Variants in PTPRD observed in about 807,000 individuals in gnomAD.
The protein encoded by PTPRD is receptor-type tyrosine-protein phosphatase delta.
In PTPRD, 34 loss-of-function variants were observed where a neutral mutation model predicts 214.5. That is an observed-to-expected ratio of 0.16 (90% CI 0.12 to 0.21). The LOEUF (loss-of-function observed/expected upper bound fraction) is 0.21. Among genes scored for constraint, PTPRD ranks in the 10% least tolerant of loss-of-function variants. PTPRD has a pLI of 1.00. For synonymous variants in PTPRD, 1,128 were observed against 845.7 expected (o/e 1.33, Z -5.79); for missense variants, 2,545 against 2,398.7 (o/e 1.06, Z -1.27).
intron 3 of PTPRD, among the ~76,000 whole-genome samples, chr9:10,173,416 C>G (rs1379095325): frequency 6.6e-6 from 1 of 152,068 alleles, no homozygotes; most frequent in African/African-American, 2.4e-5. Flanking sequence ...TGACTCACAG[C>G]TAGTAAGATG....
intron 5 of PTPRD, among the ~76,000 whole-genome samples, chr9:9,912,519 T>C (rs1026568493): frequency 6.6e-6 from 1 of 152,196 alleles, no homozygotes; most frequent in Non-Finnish European, 1.5e-5. Flanking sequence ...CAATAGCACA[T>C]GTTTTGCCTC....
intron 14 of PTPRD, among the ~76,000 whole-genome samples, chr9:8,558,382 A>C (rs1328889248): frequency 1.3e-5 from 2 of 151,906 alleles, no homozygotes. Context: ...GCAGTAACAG[A>C]CTCTCCCTCC....
intron 11 of PTPRD, among the ~76,000 whole-genome samples, chr9:8,989,040 G>C (rs560993572): frequency 6.6e-6 from 1 of 152,016 alleles, no homozygotes; most frequent in South Asian, 2.1e-4. Context: ...TAGTTGTTTT[G>C]AGTCACACTC....
At chr9:9,308,122 A>G (rs1957715896) in intron 9 of PTPRD, among the ~76,000 whole-genome samples, 1 of 152,218 alleles carries the variant, frequency 6.6e-6, no homozygotes, top group Non-Finnish European at 1.5e-5. Context: ...ATTTTGAAGT[A>G]AATTTCACTC....
rs145315476 is a variant in PTPRD at position 8,657,833 on chromosome 9, C to T, written c.65-20989G>A. 1.2e-4 allele frequency among the ~76,000 whole-genome samples: 19 copies of T among 152,234 alleles called. 1 individual carries two copies. In the East Asian group the frequency reaches 3.7e-3, roughly 29 times the overall value. ...CACACAGTAGTCTCTCACTAAAAGT[C>T]TATCTAACTAAACTGACTTATTTCC... On this transcript the variant is annotated intron_variant, in intron 12 of 45. Transcript: ENST00000381196.
chr9:9,051,177 T>A (rs73430174), intron 10 of PTPRD, among the ~76,000 whole-genome samples: 14,507 of 152,140 alleles, frequency 0.095, 738 homozygotes, highest in Middle Eastern at 0.14. Context: ...TTATAGATTT[T>A]AAAAAATCAT....
intron 4 of PTPRD, among the ~76,000 whole-genome samples, chr9:9,967,113 T>C (rs569993702): frequency 6.6e-6 from 1 of 152,292 alleles, no homozygotes; most frequent in African/African-American, 2.4e-5. Context: ...TTCAGTCAAG[T>C]TCTGTAGTCA....
At chr9:9,842,403 G>C (rs1230190873) in intron 5 of PTPRD, among the ~76,000 whole-genome samples, 2 of 140,494 alleles carry the variant, frequency 1.4e-5, no homozygotes, top group East Asian at 4.2e-4. Context: ...TCTTTCCTAA[G>C]TGAAAAGTGG....
At chr9:8,917,637 TGTC>T in intron 11 of PTPRD, among the ~76,000 whole-genome samples, 1 of 152,306 alleles carries the variant, frequency 6.6e-6, no homozygotes, top group East Asian at 1.9e-4. Flanking sequence ...GAACTCTTGT[TGTC>T]CTCTGTATTT....
intron 2 of PTPRD, among the ~76,000 whole-genome samples, chr9:10,589,368 G>A (rs753859082): frequency 2.1e-4 from 32 of 152,008 alleles, no homozygotes; most frequent in Non-Finnish European, 4.3e-4. Context: ...GAAATTATCA[G>A]TGAAGTGTGG....
At chr9:9,803,152 C>T (rs942577430) in intron 5 of PTPRD, among the ~76,000 whole-genome samples, 9 of 150,990 alleles carry the variant, frequency 6.0e-5, no homozygotes, top group Admixed American at 4.0e-4. Flanking sequence ...GAAAAAGATA[C>T]GCTAAATCAC....
At chr9:9,197,896 T>G (rs184604427) in intron 9 of PTPRD, among the ~76,000 whole-genome samples, 1 of 152,200 alleles carries the variant, frequency 6.6e-6, no homozygotes, top group Non-Finnish European at 1.5e-5. Context: ...AGGAAAATAA[T>G]TGGCTCACCA....
chr9:8,927,165 C>T (rs968439249), intron 11 of PTPRD, among the ~76,000 whole-genome samples: 2 of 151,972 alleles, frequency 1.3e-5, no homozygotes, highest in East Asian at 3.9e-4. Flanking sequence ...AGAGTCCTAC[C>T]TCTACACCTT....
At chr9:9,358,741 T>C (rs1350936726) in intron 9 of PTPRD, among the ~76,000 whole-genome samples, 1 of 151,350 alleles carries the variant, frequency 6.6e-6, no homozygotes. Flanking sequence ...GGCCTGCGCC[T>C]GAATCAGATT....
At chr9:10,364,004 T>TTG (rs2097456419) in intron 2 of PTPRD, among the ~76,000 whole-genome samples, 1 of 130,074 alleles carries the variant, frequency 7.7e-6, no homozygotes, top group African/African-American at 3.1e-5. Flanking sequence ...TTTTTTTTTT[T>TTG]TTTTTTTTTT....
intron 9 of PTPRD, among the ~76,000 whole-genome samples, chr9:9,340,899 T>A (rs2046533377): frequency 6.6e-6 from 1 of 152,164 alleles, no homozygotes; most frequent in Non-Finnish European, 1.5e-5. Context: ...AATAAACTAC[T>A]AGTGAAGAAA....
At chr9:9,643,551 G>A (rs1387325801) in intron 7 of PTPRD, among the ~76,000 whole-genome samples, 1 of 152,194 alleles carries the variant, frequency 6.6e-6, no homozygotes, top group Non-Finnish European at 1.5e-5. Flanking sequence ...GTTGATGGAT[G>A]TGATAGCAGA....
intron 3 of PTPRD, among the ~76,000 whole-genome samples, chr9:10,334,664 GAAC>G (rs1162769750): frequency 6.6e-6 from 1 of 150,928 alleles, no homozygotes; most frequent in Non-Finnish European, 1.5e-5. Context: ...AGAAAATCCA[GAAC>G]AACAACAACA....
At chr9:8,873,848 T>C (rs1212537810) in intron 11 of PTPRD, among the ~76,000 whole-genome samples, 3 of 152,078 alleles carry the variant, frequency 2.0e-5, no homozygotes, top group East Asian at 1.9e-4. Context: ...CTGGAGGCCA[T>C]TGAGGGTAGA....
Sources: allele counts gnomAD v4.1 joint callset (sites outside exome capture counted in the v4.1 genomes callset), GRCh38; gene constraint gnomAD v4.1.1; transcripts MANE v1.5; gene names NCBI Gene and HGNC (gene_info 2026-07-23, HGNC 2026-07-21).